SAMMSON: variants seen among roughly 807,000 people sequenced by gnomAD.
The protein encoded by SAMMSON is survival associated mitochondrial melanoma specific oncogenic non-coding RNA, also known as long intergenic non-protein coding RNA 1212.
At chr3:70,384,331 A>G (rs1010580613) in intron 9 of SAMMSON, among the ~76,000 whole-genome samples, 1 of 152,096 alleles carries the variant, frequency 6.6e-6, no homozygotes, top group African/African-American at 2.4e-5. Flanking sequence ...TGAAAAAGAA[A>G]ATCAAATGAT....
At chr3:70,062,822 G>T (rs2067195424) in intron 3 of SAMMSON, among the ~76,000 whole-genome samples, 1 of 152,094 alleles carries the variant, frequency 6.6e-6, no homozygotes, top group Admixed American at 6.6e-5. Flanking sequence ...TGGTGTAAAT[G>T]ACTTCCACAT....
rs79846761 is a variant in SAMMSON, at chr3:70,353,490, T to C, written n.740-685T>C. ...ACAAGAAAAGAGATGCATTATTCATTAGTGAAATACCAATTAAAACCACAA... is the reference window on the plus strand; with the variant it reads ...ACAAGAAAAGAGATGCATTATTCATCAGTGAAATACCAATTAAAACCACAA... On this transcript the variant is annotated intron_variant and non_coding_transcript_variant, in intron 7 of 9. Transcript: ENST00000642114. 9.8e-4 allele frequency among the ~76,000 whole-genome samples: 149 copies of C among 152,260 alleles called. No homozygotes were observed. In the East Asian group the frequency reaches 0.029, roughly 29 times the overall value.
chr3:70,023,333 C>T (rs1031791957), intron 3 of SAMMSON, among the ~76,000 whole-genome samples: 9 of 151,628 alleles, frequency 5.9e-5, no homozygotes, highest in African/African-American at 2.2e-4. Context: ...TGGTGGCAGA[C>T]GCCTTTAGTC....
intron 7 of SAMMSON, among the ~76,000 whole-genome samples, chr3:70,328,951 A>G (rs1190043925): frequency 6.6e-6 from 1 of 152,168 alleles, no homozygotes; most frequent in Non-Finnish European, 1.5e-5. Context: ...ACACAGAATA[A>G]AAAAGATAAA....
intron 6 of SAMMSON, among the ~76,000 whole-genome samples, chr3:70,271,004 G>C (rs1444282366): frequency 6.6e-6 from 1 of 151,828 alleles, no homozygotes; most frequent in Non-Finnish European, 1.5e-5. Flanking sequence ...TGCACATTCT[G>C]CACATGTATC....
At chr3:70,277,463 G>A (rs947464479) in intron 6 of SAMMSON, among the ~76,000 whole-genome samples, 3 of 152,152 alleles carry the variant, frequency 2.0e-5, no homozygotes, top group Admixed American at 1.3e-4. Context: ...CTATAATGAC[G>A]GCTCTTGATT....
chr3:70,213,433 C>T (rs370493526), intron 4 of SAMMSON, among the ~76,000 whole-genome samples: 8 of 152,030 alleles, frequency 5.3e-5, no homozygotes, highest in East Asian at 1.9e-4. Context: ...ATATTTCAAA[C>T]GTATAGACCA....
chr3:70,378,811 A>C (rs1288601606), intron 9 of SAMMSON, among the ~76,000 whole-genome samples: 2 of 152,180 alleles, frequency 1.3e-5, no homozygotes, highest in South Asian at 2.1e-4. Context: ...CAATGACAAA[A>C]ATAGTAAATA....
intron 7 of SAMMSON, among the ~76,000 whole-genome samples, chr3:70,324,160 T>TTA (rs1702559340): frequency 7.5e-6 from 1 of 133,592 alleles, no homozygotes; most frequent in East Asian, 2.2e-4. Context: ...TCTCTCTATC[T>TTA]ATCTATCTAT....
chr3:70,322,845 A>T (rs929122126), intron 7 of SAMMSON, among the ~76,000 whole-genome samples: 2 of 152,152 alleles, frequency 1.3e-5, no homozygotes, highest in Non-Finnish European at 2.9e-5. Context: ...GTGTCCCTAA[A>T]TTATAAAATT....
At chr3:70,190,128 C>T (rs978634204) in intron 4 of SAMMSON, among the ~76,000 whole-genome samples, 1 of 152,106 alleles carries the variant, frequency 6.6e-6, no homozygotes, top group African/African-American at 2.4e-5. Context: ...AAAATAATGG[C>T]TTCATGACTC....
chr3:70,338,616 CAGAG>C (rs1702685126), intron 7 of SAMMSON, among the ~76,000 whole-genome samples: 2 of 152,086 alleles, frequency 1.3e-5, no homozygotes, highest in South Asian at 4.2e-4. Context: ...AACAGACAAA[CAGAG>C]AGCCAAATCA....
chr3:70,420,152 T>G (rs1005409367), intron 2 of SAMMSON, among the ~76,000 whole-genome samples: 1 of 152,200 alleles, frequency 6.6e-6, no homozygotes, highest in Non-Finnish European at 1.5e-5. Flanking sequence ...TTACTTATAA[T>G]AAACTGGTAA....
In SAMMSON at chr3:70,293,130, C is replaced by A. The variant is rs369687455; in HGVS notation, n.739+1887C>A. On this transcript the variant is annotated intron_variant and non_coding_transcript_variant, in intron 7 of 9. Coordinates refer to ENST00000642114, the Ensembl canonical transcript of SAMMSON. ...CAGTATTCACCAACTGCTGCTCTCC[C>A]TCCAGCTTTTTACATTTCTGGAAGT... Among the ~76,000 whole-genome samples, 37 of 151,726 alleles carry A rather than the reference C, an allele frequency of 2.4e-4. No individual in the cohort carries two copies. The South Asian group carries it at 7.5e-3, about 31-fold the overall frequency.
chr3:70,116,896 G>C (rs1325175818), intron 4 of SAMMSON, among the ~76,000 whole-genome samples: 1 of 152,140 alleles, frequency 6.6e-6, no homozygotes, highest in Non-Finnish European at 1.5e-5. Context: ...CAGAATAACT[G>C]TAATTGAAAA....
chr3:70,007,245 C>T (rs529173863), intron 1 of SAMMSON, among the ~76,000 whole-genome samples: 1 of 152,286 alleles, frequency 6.6e-6, no homozygotes, highest in Non-Finnish European at 1.5e-5. Context: ...AATGGTTGAA[C>T]TAGTTTACAG....
At chr3:70,011,055 G>T (rs182944100) in intron 1 of SAMMSON, among the ~76,000 whole-genome samples, 1 of 152,094 alleles carries the variant, frequency 6.6e-6, no homozygotes, top group Non-Finnish European at 1.5e-5. Flanking sequence ...TATATCAGCC[G>T]TATACTGCCC....
intron 4 of SAMMSON, among the ~76,000 whole-genome samples, chr3:70,123,297 C>T (rs1004751979): frequency 3.3e-5 from 5 of 152,172 alleles, no homozygotes; most frequent in Admixed American, 1.3e-4. Context: ...GATGAAGTCT[C>T]GCTCTGTTGC....
At chr3:70,171,978 G>A (rs1380920582) in intron 4 of SAMMSON, among the ~76,000 whole-genome samples, 1 of 151,902 alleles carries the variant, frequency 6.6e-6, no homozygotes, top group South Asian at 2.1e-4. Flanking sequence ...GATTTGAAAA[G>A]TAAGCAGTGA....
Sources: allele counts gnomAD v4.1 joint callset (sites outside exome capture counted in the v4.1 genomes callset), GRCh38; gene constraint gnomAD v4.1.1; transcripts MANE v1.5; gene names NCBI Gene and HGNC (gene_info 2026-07-23, HGNC 2026-07-21).